BMP4: variants seen among roughly 807,000 people sequenced by gnomAD.
BMP4 encodes bone morphogenetic protein 4, also known as bone morphogenetic protein 2B.
A neutral mutation model predicts 29.6 loss-of-function variants in BMP4; 3 were observed. The ratio of observed to expected loss-of-function variants is 0.10; its 90% confidence interval spans 0.05 to 0.26. The LOEUF (loss-of-function observed/expected upper bound fraction) is 0.26, where lower values mean the gene tolerates loss of function less well. BMP4 is among the 10% of genes least tolerant of loss of function. The pLI is 1.00. For synonymous variants in BMP4, 197 were observed against 213.2 expected (o/e 0.92, Z 0.66); for missense variants, 455 against 550.2 (o/e 0.83, Z 1.73).
At chr14:53,956,492 C>A in intron 1 of BMP4, 58 bp downstream of exon 1, 1 of 399,360 alleles carries the variant, frequency 2.5e-6, no homozygotes. Flanking sequence ...CTTCTTCCCC[C>A]CAAGGAGGCT....
In BMP4 at chr14:53,951,995, A is replaced by T. The variant is rs114957446; in HGVS notation, c.228T>A (p.Ser76Arg). The change falls in exon 3 of 4, where the codon AGT (serine) becomes AGA (arginine). Residue 76 changes from serine (S) to arginine (R), a missense_variant. Ser to Arg is a moderately radical substitution (Grantham distance 110). Coordinates refer to ENST00000245451, the MANE Select transcript of BMP4 (RefSeq NM_001202.6). ...GLRRRPQPSK[S>R]AVIPDYMRDL... ...CCCGCATGTAGTCCGGAATGACGGCACTCTTGCTAGGCTGCGGGCGGCGGC... is the reference window on the plus strand; with the variant it reads ...CCCGCATGTAGTCCGGAATGACGGCTCTCTTGCTAGGCTGCGGGCGGCGGC... 3.6e-4 allele frequency: 582 copies of T among 1,613,640 alleles called. 6 individuals carry two copies. In the African/African-American group the frequency reaches 7.0e-3, roughly 19 times the overall value.
rs1422082996 is a variant in BMP4 at position 53,951,004 on chromosome 14, G to T, written c.371-116C>A. The T allele has an allele frequency of 5.7e-6, 8 of 1,407,636 alleles. No individual in the cohort carries two copies. In the Admixed American group the frequency reaches 1.4e-4, roughly 24 times the overall value. 87.2% of individuals were successfully genotyped at this position (1,407,636 alleles called of 1,614,324 possible). ...ATGAATGGTGAATTCTGCTTATGCA[G>T]GGGAAACCTACTGGGGGAAAATAAG... On this transcript the variant is annotated intron_variant, in intron 3 of 3. Coordinates refer to ENST00000245451, the MANE Select transcript of BMP4 (RefSeq NM_001202.6).
chr14:53,953,506 G>A, intron 1 of BMP4, 106 bp from the exon 2 acceptor site: 1 of 395,400 alleles, frequency 2.5e-6, no homozygotes. Context: ...CGCGGCAGGC[G>A]GCGAAAGGGC....
rs1944149094 is a variant in BMP4 at position 53,950,310 on chromosome 14, A to G, written c.949T>C (p.Phe317Leu). The G allele has an allele frequency of 6.2e-7, 1 of 1,614,236 alleles. No individual in the cohort carries two copies. Among genetic ancestry groups the G allele is most frequent in the South Asian group, 1.1e-5 (1 of 91,090 alleles). ...CAGTCATTCCAGCCCACATCGCTGA[A>G]GTCCACATAGAGCGAGTGGCGCCGG... The part of the protein sequence containing the change: ...NCRRHSLYVD[F>L]SDVGWNDWIV... The change falls in exon 4 of 4, where the codon TTC (phenylalanine) becomes CTC (leucine). Residue 317 changes from phenylalanine to leucine, a missense_variant. By Grantham distance (22) the Phe-to-Leu change is conservative. Around this residue, in one of 4 missense-constraint regions of BMP4, gnomAD observed 154 missense variants for 156.8 expected, o/e 0.98. Transcript: ENST00000245451. The surrounding 1 kb of genome is among the most constrained non-coding windows in gnomAD (Gnocchi z 5.4).
In BMP4 at chr14:53,952,010, C is replaced by G. The variant is rs539120233; in HGVS notation, c.213G>C (p.Pro71=). 4.3e-6 allele frequency: 7 copies of G among 1,613,732 alleles called. No individual in the cohort carries two copies. The highest frequency in any genetic ancestry group is 5.9e-6 in the Non-Finnish European group (7 of 1,180,046). Residue 71 remains proline, a synonymous_variant, in exon 3 of 4, where the codon CCG becomes CCC. Transcript: ENST00000245451. ...LLQMFGLRRR[P]QPSKSAVIPD... ...GAATGACGGCACTCTTGCTAGGCTG[C>G]GGGCGGCGGCGCAGCCCAAACATCT...
rs568281464 is a variant in BMP4, at chr14:53,949,760, T to C, written c.*272A>G. Reference sequence around the variant, plus strand: ...ATTTACCTTTAAAATAATGACTCATTTTATTTTTTTCTTTTAATACGTAGT... The same window carrying C: ...ATTTACCTTTAAAATAATGACTCATCTTATTTTTTTCTTTTAATACGTAGT... On this transcript the variant is annotated 3_prime_UTR_variant, in exon 4 of 4. Transcript: ENST00000245451. The C allele has an allele frequency of 3.7e-5, 13 of 355,602 alleles. No individual in the cohort carries two copies. Among genetic ancestry groups the C allele is most frequent in the Non-Finnish European group, 4.6e-5 (9 of 197,578 alleles). 22.0% of individuals were successfully genotyped at this position (355,602 alleles called of 1,614,324 possible). A position where few individuals can be genotyped will look rare whatever the true frequency, so the allele number is the denominator to read the frequency against.
At position 53,955,138 on chromosome 14, in the gene BMP4, TG is replaced by T. The variant is rs1204217172; in HGVS notation, c.-133+1411del. Among the ~76,000 whole-genome samples, 2 of 152,074 alleles carry T rather than the reference TG, an allele frequency of 1.3e-5. No homozygotes were observed. Among genetic ancestry groups the T allele is most frequent in the African/African-American group, 2.4e-5 (1 of 41,430 alleles). ...CCGCTGGGGCGGGCTGCGAAAGGGTTGGGAAGAGCAAAGGGTTTTTTTGTTT... is the reference window on the plus strand; with the variant it reads ...CCGCTGGGGCGGGCTGCGAAAGGGTTGGAAGAGCAAAGGGTTTTTTTGTTT... On this transcript the variant is annotated intron_variant, in intron 1 of 3. Coordinates refer to ENST00000245451, the MANE Select transcript of BMP4 (RefSeq NM_001202.6). The surrounding 1 kb of genome is among the most constrained non-coding windows in gnomAD (Gnocchi z 4.0).
chr14:53,953,163 G>T, intron 2 of BMP4, 113 bp downstream of exon 2: 1 of 389,608 alleles, frequency 2.6e-6, no homozygotes, highest in South Asian at 1.4e-4. Flanking sequence ...GTGCTGCCAG[G>T]GAGCAGAGTG....
chr14:53,952,510 T>C (rs1895497426), intron 2 of BMP4, among the ~76,000 whole-genome samples: 1 of 152,052 alleles, frequency 6.6e-6, no homozygotes, highest in Non-Finnish European at 1.5e-5. Context: ...CCTGTTAATC[T>C]TTTTTTGTCC....
chr14:53,955,688 G>A lies in BMP4; in HGVS notation c.-133+862C>T, dbSNP rs943985192. ...AAAGCAGTGCTTGGAGGCCTCTAAG[G>A]CCCCCGGACCAACTCCCGCTGGAAG... is the stretch of plus-strand genomic sequence containing the variant. On this transcript the variant is annotated intron_variant, in intron 1 of 3. Coordinates refer to ENST00000245451, the MANE Select transcript of BMP4 (RefSeq NM_001202.6). The surrounding 1 kb of genome is among the most constrained non-coding windows in gnomAD (Gnocchi z 4.0). The A allele has an allele frequency of 2.6e-5, 4 of 152,224 alleles. No individual in the cohort carries two copies. The highest frequency in any genetic ancestry group is 2.0e-4 in the Admixed American group (3 of 15,296). The allele number at this position is 152,224 out of a possible 1,614,324, so 9.4% of individuals were successfully genotyped here. A position where few individuals can be genotyped will look rare whatever the true frequency, so the allele number is the denominator to read the frequency against.
rs1277018143 is a variant in BMP4, at chr14:53,950,800, G to A, written c.459C>T (p.Ile153=). The change falls in exon 4 of 4, where the codon ATC becomes ATT. Residue 153 remains isoleucine (I), a synonymous_variant. Transcript: ENST00000245451. This position sits in a 1 kb window ranked among gnomAD's most constrained non-coding sequence, Gnocchi z 5.4. ...GGAAGAGCCGAAGCTCTGCAGAGGAGATCACCTCGTTCTCAGGGATGCTGC... is the reference window on the plus strand; with the variant it reads ...GGAAGAGCCGAAGCTCTGCAGAGGAAATCACCTCGTTCTCAGGGATGCTGC... The part of the protein sequence containing the change: ...NLSSIPENEV[I]SSAELRLFRE... 3.1e-6 allele frequency: 5 copies of A among 1,613,268 alleles called. No individual in the cohort carries two copies. Among genetic ancestry groups the A allele is most frequent in the African/African-American group, 1.3e-5 (1 of 74,936 alleles).
rs769176364 is a variant in BMP4, at chr14:53,950,638, G to T, written c.621C>A (p.His207Gln). ...CAAAAGTTTCCCACCGTGTCACATTGTGGTGGACCAGTCTCGTGTCCAGTA... is the reference window on the plus strand; with the variant it reads ...CAAAAGTTTCCCACCGTGTCACATTTTGGTGGACCAGTCTCGTGTCCAGTA... ...TRLLDTRLVH[H>Q]NVTRWETFDV... Residue 207 changes from histidine (H) to glutamine (Q), a missense_variant, in exon 4 of 4, where the codon CAC becomes CAA. By Grantham distance (24) the His-to-Gln change is conservative (BLOSUM62 0). Around this residue, in one of 4 missense-constraint regions of BMP4, gnomAD observed 249 missense variants for 284.6 expected, o/e 0.87. Coordinates refer to ENST00000245451, the MANE Select transcript of BMP4 (RefSeq NM_001202.6). This position sits in a 1 kb window ranked among gnomAD's most constrained non-coding sequence, Gnocchi z 5.4. 12 of 1,614,254 alleles carry T rather than the reference G, an allele frequency of 7.4e-6. No homozygotes were observed. Among genetic ancestry groups the T allele is most frequent in the Non-Finnish European group, 1.0e-5 (12 of 1,180,044 alleles).
At chr14:53,956,237 C>G (rs1895712996) in intron 1 of BMP4, among the ~76,000 whole-genome samples, 2 of 152,140 alleles carry the variant, frequency 1.3e-5, no homozygotes, top group African/African-American at 2.4e-5. Flanking sequence ...CCGTGGGCAA[C>G]GCGTTCAGCC....
At position 53,950,400 on chromosome 14, in the gene BMP4, G is replaced by A. The variant is rs1435675398; in HGVS notation, c.859C>T (p.Arg287Cys). 5 of 1,613,632 alleles carry A rather than the reference G, an allele frequency of 3.1e-6. No homozygotes were observed. Among genetic ancestry groups the A allele is most frequent in the Non-Finnish European group, 4.2e-6 (5 of 1,179,742 alleles). ...TTAGGGCTACGCTTGGCCCTCCGGC[G>A]TCGGGTCAAGGCATGGCCCCGGCCA... ...HDGRGHALTR[R>C]RRAKRSPKHH... Residue 287 changes from arginine to cysteine, a missense_variant, in exon 4 of 4, where the codon CGC becomes TGC. Coordinates refer to ENST00000245451, the MANE Select transcript of BMP4 (RefSeq NM_001202.6). The surrounding 1 kb of genome is among the most constrained non-coding windows in gnomAD (Gnocchi z 5.4).
At chr14:53,953,940 C>T (rs936008473) in intron 1 of BMP4, among the ~76,000 whole-genome samples, 2 of 151,806 alleles carry the variant, frequency 1.3e-5, no homozygotes, top group African/African-American at 4.8e-5. Context: ...CCCCCCCACA[C>T]ACACACAAGC....
At chr14:53,953,083 G>C (rs1236201669) in intron 2 of BMP4, among the ~76,000 whole-genome samples, 193 bp downstream of exon 2, 1 of 152,186 alleles carries the variant, frequency 6.6e-6, no homozygotes, top group Non-Finnish European at 1.5e-5. Context: ...GCGAGTGCGC[G>C]CTAGCAGCAC....
Position 53,954,334 on chromosome 14 carries a change from G to T in BMP4, c.-132-934C>A, listed in dbSNP as rs2761884. 52,578 of 151,798 alleles carry T rather than the reference G, an allele frequency of 0.35. 10,373 individuals carry two copies. Among genetic ancestry groups the T allele is most frequent in the East Asian group, 0.45 (2,315 of 5,118 alleles). The allele number at this position is 151,798 out of a possible 1,614,324, so 9.4% of individuals were successfully genotyped here. A position where few individuals can be genotyped will look rare whatever the true frequency, so the allele number is the denominator to read the frequency against. On this transcript the variant is annotated intron_variant, in intron 1 of 3. Transcript: ENST00000245451. This position sits in a 1 kb window ranked among gnomAD's most constrained non-coding sequence, Gnocchi z 4.8. ...CCGGGCAGATTCAGAAAGAGGCGTC[G>T]CTGCAGAAAGGACGCATCACAGTTT...
In BMP4 at chr14:53,951,341, T is replaced by C. The variant is rs1012634846; in HGVS notation, c.371-453A>G. ...CCACTATTGAGTATGTTACTAAACATTTCCCCAGCGATCTTGGAAACACAG... is the reference window on the plus strand; with the variant it reads ...CCACTATTGAGTATGTTACTAAACACTTCCCCAGCGATCTTGGAAACACAG... On this transcript the variant is annotated intron_variant, in intron 3 of 3. Transcript: ENST00000245451. 8 of 212,564 alleles carry C rather than the reference T, an allele frequency of 3.8e-5. No individual in the cohort carries two copies. The East Asian group carries it at 5.9e-4, about 16-fold the overall frequency. 13.2% of individuals were successfully genotyped at this position (212,564 alleles called of 1,614,324 possible). A position where few individuals can be genotyped will look rare whatever the true frequency, so the allele number is the denominator to read the frequency against.
intron 1 of BMP4, 59 bp downstream of exon 1, chr14:53,956,491 C>A: frequency 2.5e-6 from 1 of 399,346 alleles, no homozygotes; most frequent in Non-Finnish European, 4.4e-6. Context: ...GCTTCTTCCC[C>A]CCAAGGAGGC....
Sources: gnomAD v4.1 joint callset for allele counts (sites outside exome capture counted in the v4.1 genomes callset) on GRCh38, gnomAD v4.1.1 for gene constraint, gnomAD v4.1.1 regional missense constraint, Gnocchi (gnomAD v3.1) non-coding constraint, MANE v1.5 for transcripts, NCBI Gene and HGNC (gene_info 2026-07-23, HGNC 2026-07-21) for gene names.